CDKN2B-AS1: variants seen among roughly 807,000 people sequenced by gnomAD.
The protein encoded by CDKN2B-AS1 is CDKN2B antisense RNA 1 (non-protein coding).
chr9:22,009,076 C>T, intron 1 of CDKN2B-AS1: 1 of 1,434,594 alleles, frequency 7.0e-7, no homozygotes, highest in Non-Finnish European at 9.7e-7. Context: ...GACCTGGGCT[C>T]AGCTTCATTA....
chr9:22,010,606 A>G (rs1821449819), intron 1 of CDKN2B-AS1, among the ~76,000 whole-genome samples: 1 of 152,214 alleles, frequency 6.6e-6, no homozygotes. Context: ...TGGAAGTGCC[A>G]CCACCATGGA....
intron 1 of CDKN2B-AS1, among the ~76,000 whole-genome samples, chr9:22,043,400 A>G (rs1190442401): frequency 6.6e-6 from 1 of 151,876 alleles, no homozygotes; most frequent in Non-Finnish European, 1.5e-5. Context: ...TTTTTTCTTC[A>G]TCAAAATCTA....
chr9:22,115,290 G>T (rs1825918988), intron 4 of CDKN2B-AS1, among the ~76,000 whole-genome samples: 1 of 152,148 alleles, frequency 6.6e-6, no homozygotes, highest in Admixed American at 6.5e-5. Flanking sequence ...GGAAGACTGG[G>T]GAAGGTGTCC....
chr9:22,123,085 A>G (rs1172369663), intron 4 of CDKN2B-AS1, among the ~76,000 whole-genome samples: 1 of 151,994 alleles, frequency 6.6e-6, no homozygotes, highest in African/African-American at 2.4e-5. Flanking sequence ...GGTTACATTT[A>G]TTCCTTGGTA....
chr9:22,005,869 T>G lies in CDKN2B-AS1; in HGVS notation n.29+10708T>G. 7.3e-7 allele frequency: 1 copy of G among 1,377,130 alleles called. No individual in the cohort carries two copies. 85.3% of individuals were successfully genotyped at this position (1,377,130 alleles called of 1,614,324 possible). A position where few individuals can be genotyped will look rare whatever the true frequency, so the allele number is the denominator to read the frequency against. On this transcript the variant is annotated intron_variant and non_coding_transcript_variant, in intron 1 of 4. Coordinates refer to ENST00000650946, the Ensembl canonical transcript of CDKN2B-AS1. This position sits in a 1 kb window ranked among gnomAD's most constrained non-coding sequence, Gnocchi z 4.9. ...TCCTTCCTGTGAGTCTCAGACAGGC[T>G]TGCAGGCTTACAGGCTTTCCGCCGC...
intron 4 of CDKN2B-AS1, among the ~76,000 whole-genome samples, chr9:22,110,698 C>T (rs983564162): frequency 2.0e-5 from 3 of 151,922 alleles, no homozygotes; most frequent in Non-Finnish European, 4.4e-5. Context: ...AATTAAAATT[C>T]AAAAACCCTA....
chr9:22,006,000 G>A lies in CDKN2B-AS1; in HGVS notation n.29+10839G>A, dbSNP rs1328728285. 1.2e-6 allele frequency: 2 copies of A among 1,602,796 alleles called. No individual in the cohort carries two copies. The highest frequency in any genetic ancestry group is 1.7e-5 in the Admixed American group (1 of 59,972). On this transcript the variant is annotated intron_variant and non_coding_transcript_variant, in intron 1 of 4. Transcript: ENST00000650946. The surrounding 1 kb of genome is among the most constrained non-coding windows in gnomAD (Gnocchi z 4.9). The stretch of plus-strand genomic sequence containing the variant: ...GGGAACCTGGCGTCAGTCCCCCGTG[G>A]CTGTGCGCAGGTACCCTGCAACGTC...
rs1242739279 is a variant in CDKN2B-AS1 at position 22,000,283 on chromosome 9, T to C, written n.29+5122T>C. On this transcript the variant is annotated intron_variant and non_coding_transcript_variant, in intron 1 of 4. Coordinates refer to ENST00000650946, the Ensembl canonical transcript of CDKN2B-AS1. This position sits in a 1 kb window ranked among gnomAD's most constrained non-coding sequence, Gnocchi z 4.1. Reference sequence around the variant, plus strand: ...ACTACTGAGGCAAACACCATTCTTATAGACATAAGACATACTTGGGAGCAA... The same window carrying C: ...ACTACTGAGGCAAACACCATTCTTACAGACATAAGACATACTTGGGAGCAA... 6.6e-6 allele frequency among the ~76,000 whole-genome samples: 1 copy of C among 152,222 alleles called. No individual in the cohort carries two copies. The highest frequency in any genetic ancestry group is 2.4e-5 in the African/African-American group (1 of 41,462).
At chr9:22,057,441 A>G (rs1267481285) in intron 4 of CDKN2B-AS1, among the ~76,000 whole-genome samples, 1 of 152,206 alleles carries the variant, frequency 6.6e-6, no homozygotes, top group Non-Finnish European at 1.5e-5. Flanking sequence ...GAATAAAGGT[A>G]GATGCAGCAT....
In CDKN2B-AS1 at chr9:22,039,907, G is replaced by A. The variant is rs945795072; in HGVS notation, n.30-6844G>A. The stretch of plus-strand genomic sequence containing the variant: ...GTTAAGATGCGATCTTACTGACATA[G>A]GAGAAGCTCCTAATCATGGTGTCCT... On this transcript the variant is annotated intron_variant and non_coding_transcript_variant, in intron 1 of 4. Coordinates refer to ENST00000650946, the Ensembl canonical transcript of CDKN2B-AS1. This position sits in a 1 kb window ranked among gnomAD's most constrained non-coding sequence, Gnocchi z 4.4. Among the ~76,000 whole-genome samples the A allele has an allele frequency of 1.5e-4, 23 of 152,130 alleles. No homozygotes were observed. The highest frequency in any genetic ancestry group is 5.5e-4 in the African/African-American group (23 of 41,548).
chr9:22,051,550 G>C (rs560006312), intron 3 of CDKN2B-AS1, among the ~76,000 whole-genome samples: 93 of 152,146 alleles, frequency 6.1e-4, no homozygotes, highest in Non-Finnish European at 1.1e-3. Flanking sequence ...TCCAAAGGCA[G>C]TTATATACAA....
chr9:22,103,898 C>T (rs115278986), intron 4 of CDKN2B-AS1, among the ~76,000 whole-genome samples: 4,830 of 152,190 alleles, frequency 0.032, 241 homozygotes, highest in African/African-American at 0.11. Context: ...GTTCCAGTGA[C>T]GGTTATTGCA....
chr9:22,112,699 G>C (rs1348400511), intron 4 of CDKN2B-AS1, among the ~76,000 whole-genome samples: 3 of 152,088 alleles, frequency 2.0e-5, no homozygotes, highest in African/African-American at 7.2e-5. Flanking sequence ...GAGTTCTAAA[G>C]TGTTTCCAAA....
At chr9:22,052,237 C>G (rs1823376850) in intron 3 of CDKN2B-AS1, among the ~76,000 whole-genome samples, 1 of 152,114 alleles carries the variant, frequency 6.6e-6, no homozygotes, top group Non-Finnish European at 1.5e-5. Context: ...TGGGGGGCTT[C>G]AATGTCTGAC....
rs145622819 is a variant in CDKN2B-AS1, at chr9:21,997,425, T to C, written n.29+2264T>C. ...CTCTGTGTGTGTATACAATTTTATA[T>C]ATACGTACATTATATGTCTACACAC... On this transcript the variant is annotated intron_variant and non_coding_transcript_variant, in intron 1 of 4. Transcript: ENST00000650946. The surrounding 1 kb of genome is among the most constrained non-coding windows in gnomAD (Gnocchi z 4.8). Among the ~76,000 whole-genome samples, 1 of 152,188 alleles carries C rather than the reference T, an allele frequency of 6.6e-6. No homozygotes were observed. The highest frequency in any genetic ancestry group is 1.9e-4 in the East Asian group (1 of 5,176).
At chr9:22,065,948 G>T (rs919192072) in intron 4 of CDKN2B-AS1, among the ~76,000 whole-genome samples, 2 of 152,250 alleles carry the variant, frequency 1.3e-5, no homozygotes, top group Admixed American at 6.5e-5. Context: ...TTGGCTTCAG[G>T]TAGAAACTCT....
At chr9:22,072,904 T>C (rs1184175727) in intron 4 of CDKN2B-AS1, among the ~76,000 whole-genome samples, 1 of 152,224 alleles carries the variant, frequency 6.6e-6, no homozygotes, top group East Asian at 1.9e-4. Context: ...GGGAATAATA[T>C]TCCTTTCTCA....
intron 4 of CDKN2B-AS1, among the ~76,000 whole-genome samples, chr9:22,088,306 A>C (rs1345954335): frequency 1.3e-5 from 2 of 152,220 alleles, no homozygotes; most frequent in East Asian, 3.8e-4. Context: ...AGCAAGGACA[A>C]GTAATAATTT....
intron 1 of CDKN2B-AS1, among the ~76,000 whole-genome samples, chr9:22,020,859 G>A (rs891517210): frequency 4.6e-5 from 7 of 152,090 alleles, no homozygotes; most frequent in Admixed American, 6.5e-5. Context: ...TTCTTTTACC[G>A]TGCAGAAGCT....
Sources: gnomAD v4.1 joint callset for allele counts (sites outside exome capture counted in the v4.1 genomes callset) on GRCh38, gnomAD v4.1.1 for gene constraint, Gnocchi (gnomAD v3.1) non-coding constraint, MANE v1.5 for transcripts, NCBI Gene and HGNC (gene_info 2026-07-23, HGNC 2026-07-21) for gene names.